Variants in FBXL20 observed in about 807,000 individuals in gnomAD.
FBXL20 encodes the protein F-box and leucine rich repeat protein 20.
Under a neutral mutation model 64.0 loss-of-function variants are expected in FBXL20, and 11 were observed. The ratio of observed to expected loss-of-function variants is 0.17; its 90% CI spans 0.11 to 0.28. FBXL20 has a LOEUF of 0.28. Among genes scored for constraint, FBXL20 ranks in the 10% least tolerant of loss-of-function variants. The pLI is 1.00. For missense variants in FBXL20, 303 were observed against 526.2 expected, an observed-to-expected ratio of 0.58 and a Z score of 4.15; for synonymous variants, 184 against 189.0, an observed-to-expected ratio of 0.97 and a Z score of 0.22.
At chr17:39,396,259 C>T (rs1274752824) in intron 1 of FBXL20, among the ~76,000 whole-genome samples, 1 of 151,856 alleles carries the variant, frequency 6.6e-6, no homozygotes, top group Non-Finnish European at 1.5e-5. Context: ...ATTCTATCTC[C>T]CTCGCTTTAC....
At chr17:39,362,713 T>A (rs1053076937) in intron 1 of FBXL20, among the ~76,000 whole-genome samples, 7 of 143,388 alleles carry the variant, frequency 4.9e-5, no homozygotes, top group African/African-American at 1.8e-4. Context: ...TCATCTCGGG[T>A]TCAAGTGATT....
chr17:39,386,142 G>C (rs1363850099), intron 1 of FBXL20, among the ~76,000 whole-genome samples: 2 of 150,132 alleles, frequency 1.3e-5, no homozygotes, highest in Non-Finnish European at 2.9e-5. Flanking sequence ...AGGACATCCA[G>C]ACTACCATGG....
chr17:39,347,573 G>A (rs1044844478), intron 1 of FBXL20, among the ~76,000 whole-genome samples: 5 of 152,122 alleles, frequency 3.3e-5, no homozygotes, highest in Admixed American at 6.6e-5. Flanking sequence ...TAAGTTCTTT[G>A]TAGATTCTGG....
chr17:39,388,132 A>G (rs1292519715), intron 1 of FBXL20, among the ~76,000 whole-genome samples: 1 of 152,176 alleles, frequency 6.6e-6, no homozygotes, highest in African/African-American at 2.4e-5. Flanking sequence ...AGAAAATGGT[A>G]TTATTTTTTC....
At chr17:39,276,538 G>A (rs1009736479) in intron 9 of FBXL20, among the ~76,000 whole-genome samples, 8 of 151,756 alleles carry the variant, frequency 5.3e-5, no homozygotes, top group East Asian at 2.0e-4. Context: ...GCGCAGTGGC[G>A]GATGCCTGTA....
chr17:39,308,546 C>A (rs1230959925), intron 2 of FBXL20, among the ~76,000 whole-genome samples: 2 of 148,450 alleles, frequency 1.3e-5, no homozygotes, highest in Admixed American at 1.4e-4. Flanking sequence ...AATAAAAAAT[C>A]AAAAAAATTT....
intron 2 of FBXL20, among the ~76,000 whole-genome samples, chr17:39,336,565 C>T (rs1032715623): frequency 6.6e-6 from 1 of 152,302 alleles, no homozygotes; most frequent in African/African-American, 2.4e-5. Context: ...GTGGCTCACA[C>T]CTATAATCCC....
chr17:39,373,712 A>T (rs575330461), intron 1 of FBXL20, among the ~76,000 whole-genome samples: 1 of 152,236 alleles, frequency 6.6e-6, no homozygotes, highest in South Asian at 2.1e-4. Flanking sequence ...TACTGTGTTC[A>T]ATTTTGTCTA....
intron 14 of FBXL20, among the ~76,000 whole-genome samples, chr17:39,262,568 A>G (rs2046756325): frequency 1.3e-5 from 2 of 151,640 alleles, no homozygotes; most frequent in Non-Finnish European, 2.9e-5. Context: ...GGCGTGAGCC[A>G]CCGCGACTGG....
Position 39,275,023 on chromosome 17 carries a change from G to A in FBXL20, c.774C>T (p.Ser258=). ...CATTCAGGATGGCATCTGTGATGTT[G>A]GAGCAGCCAGAGGCACAAAGGGATT... ...KLQSLCASGC[S]NITDAILNAL... Residue 258 remains serine, a synonymous_variant, in exon 10 of 15, where the codon TCC becomes TCT. Transcript: ENST00000264658. 1 of 1,614,050 alleles carries A rather than the reference G, an allele frequency of 6.2e-7. No homozygotes were observed. The highest frequency in any genetic ancestry group is 8.5e-7 in the Non-Finnish European group (1 of 1,180,000).
intron 1 of FBXL20, among the ~76,000 whole-genome samples, chr17:39,370,505 G>A (rs1212791975): frequency 2.0e-5 from 3 of 147,680 alleles, no homozygotes; most frequent in South Asian, 2.2e-4. Context: ...AAAAAAAGAA[G>A]GCCGGGCGCG....
intron 9 of FBXL20, among the ~76,000 whole-genome samples, chr17:39,278,207 G>A (rs548203258): frequency 7.9e-5 from 12 of 152,274 alleles, no homozygotes; most frequent in South Asian, 2.1e-4. Flanking sequence ...GTGCAGTGGC[G>A]TGCTCTTGGC....
intron 14 of FBXL20, among the ~76,000 whole-genome samples, chr17:39,262,285 G>C (rs1281165431): frequency 1.3e-5 from 2 of 151,980 alleles, no homozygotes; most frequent in Non-Finnish European, 2.9e-5. Flanking sequence ...TTTTTTAGAG[G>C]TTGGTATTTT....
At chr17:39,353,058 T>C (rs551893082) in intron 1 of FBXL20, among the ~76,000 whole-genome samples, 12 of 152,286 alleles carry the variant, frequency 7.9e-5, no homozygotes, top group Middle Eastern at 3.4e-3. Flanking sequence ...TCTTGTATCA[T>C]GAAGCTGAAG....
At position 39,298,997 on chromosome 17, in the gene FBXL20, C is replaced by T; in HGVS notation, c.322G>A (p.Ala108Thr). Residue 108 changes from alanine (A) to threonine (T), a missense_variant, in exon 5 of 15, where the codon GCA (alanine) becomes ACA (threonine). By Grantham distance (58) the Ala-to-Thr change is moderately conservative (BLOSUM62 0). This residue lies in a region of FBXL20 where 246 missense variants were observed against 422.6 expected (regional missense o/e 0.58). Coordinates refer to ENST00000264658, the MANE Select transcript of FBXL20 (RefSeq NM_032875.3). ...LRGCLGVGDN[A>T]LRTFAQNCRN... is the part of the protein sequence containing the mutation. ...CAATAGTTATGTTTTTACCTTAATGCATTGTCTCCCACTCCAAGACATCCA... is the reference window on the plus strand; with the variant it reads ...CAATAGTTATGTTTTTACCTTAATGTATTGTCTCCCACTCCAAGACATCCA... 1 of 1,611,054 alleles carries T rather than the reference C, an allele frequency of 6.2e-7. No individual in the cohort carries two copies. The highest frequency in any genetic ancestry group is 8.5e-7 in the Non-Finnish European group (1 of 1,177,786).
chr17:39,362,687 C>T (rs371655153), intron 1 of FBXL20, among the ~76,000 whole-genome samples: 2 of 147,736 alleles, frequency 1.4e-5, no homozygotes, highest in African/African-American at 5.0e-5. Context: ...AGTGCGACCT[C>T]GGCTCACTGC....
intron 6 of FBXL20, among the ~76,000 whole-genome samples, chr17:39,289,814 G>A (rs930756314): frequency 1.3e-5 from 2 of 151,708 alleles, no homozygotes; most frequent in African/African-American, 4.8e-5. Flanking sequence ...GGCCAAAATG[G>A]TGAAACCCTG....
intron 1 of FBXL20, among the ~76,000 whole-genome samples, chr17:39,355,842 C>T (rs561603734): frequency 3.7e-5 from 4 of 108,118 alleles, no homozygotes; most frequent in South Asian, 2.7e-4. Flanking sequence ...GGGACAAAAT[C>T]GAGACTTCGT....
chr17:39,363,651 A>C (rs1876574370), intron 1 of FBXL20, among the ~76,000 whole-genome samples: 1 of 151,670 alleles, frequency 6.6e-6, no homozygotes, highest in South Asian at 2.1e-4. Flanking sequence ...CTCTAGAAAA[A>C]ATTTTAAAAA....
Sources: gnomAD v4.1 joint callset for allele counts (sites outside exome capture counted in the v4.1 genomes callset) on GRCh38, gnomAD v4.1.1 for gene constraint, gnomAD v4.1.1 regional missense constraint, MANE v1.5 for transcripts, NCBI Gene and HGNC (gene_info 2026-07-23, HGNC 2026-07-21) for gene names.